PCYT2: variants seen among roughly 807,000 people sequenced by gnomAD.
PCYT2 encodes phosphate cytidylyltransferase 2, ethanolamine.
PCYT2 carries 33 observed loss-of-function variants against 50.0 expected under a neutral mutation model. That is an observed-to-expected ratio of 0.66 (90% CI 0.50 to 0.88). The LOEUF (loss-of-function observed/expected upper bound fraction) is 0.88, where lower values mean the gene tolerates loss of function less well. Ranked by LOEUF, PCYT2 falls within the 40% of genes least tolerant of loss-of-function variation. The pLI is 0.00. For synonymous variants in PCYT2, 240 were observed against 203.7 expected (o/e 1.18, Z -1.52); for missense variants, 430 against 519.7 (o/e 0.83, Z 1.68).
intron 8 of PCYT2, 104 bp downstream of exon 8, chr17:81,906,360 C>G (rs1284953335): frequency 1.5e-6 from 2 of 1,293,576 alleles, no homozygotes; most frequent in African/African-American, 2.9e-5. Context: ...TGTGACTTCA[C>G]CTGGGGCCCC....
rs762919572 is a variant in PCYT2, at chr17:81,905,460, T to C, written c.904-13A>G. 5.8e-6 allele frequency: 9 copies of C among 1,562,786 alleles called. No homozygotes were observed. In the African/African-American group the frequency reaches 1.1e-4, roughly 19 times the overall value. On this transcript the variant is annotated splice_polypyrimidine_tract_variant and intron_variant, in intron 10 of 12. Coordinates refer to ENST00000538936, the MANE Select transcript of PCYT2 (RefSeq NM_002861.5). ...ACACCAGGTCCACCTGGAGAAGGAG[T>C]GGGGTCAGGAGCCCTCCCCGGGGAG...
chr17:81,902,724 C>G lies in PCYT2; in HGVS notation c.*2109G>C, dbSNP rs748977884. 54 of 1,608,046 alleles carry G rather than the reference C, an allele frequency of 3.4e-5. No homozygotes were observed. Among genetic ancestry groups the G allele is most frequent in the Non-Finnish European group, 4.4e-5 (52 of 1,178,422 alleles). On this transcript the variant is annotated 3_prime_UTR_variant, in exon 13 of 13. Coordinates refer to ENST00000538936, the MANE Select transcript of PCYT2 (RefSeq NM_002861.5). The stretch of plus-strand genomic sequence containing the variant: ...AGGCGAACGTCTTCCTGTCCCTGCG[C>G]GCAGCCGACTGCCTCGCCGCCTGAG...
In PCYT2 at chr17:81,909,035, C is replaced by T. The variant is rs1437123502; in HGVS notation, c.181G>A (p.Glu61Lys). ...YLIVGVHTDE[E>K]IAKHKGPPVF... is the part of the protein sequence containing the mutation. ...GGGGGCCCCTTGTGCTTGGCGATCT[C>T]CTCTAGGAAAAGGACAACGGGGAGA... The change falls in exon 3 of 13, where the codon GAG (glutamate) becomes AAG (lysine). Residue 61 changes from glutamate (E) to lysine (K), a missense_variant and splice_region_variant. By Grantham distance (56) the Glu-to-Lys change is moderately conservative. Transcript: ENST00000538936. 5 of 1,612,550 alleles carry T rather than the reference C, an allele frequency of 3.1e-6. No homozygotes were observed. The highest frequency in any genetic ancestry group is 1.3e-5 in the African/African-American group (1 of 74,900).
intron 11 of PCYT2, 91 bp from the exon 12 acceptor site, chr17:81,905,245 C>T: frequency 7.4e-7 from 1 of 1,351,924 alleles, no homozygotes; most frequent in Non-Finnish European, 1.0e-6. Flanking sequence ...AGACCAGCGC[C>T]CAGGGTCCCA....
chr17:81,911,080 G>T (rs2040575811), intron 1 of PCYT2, 187 bp downstream of exon 1: 1 of 1,002,050 alleles, frequency 1.0e-6, no homozygotes, highest in South Asian at 4.7e-5. Context: ...GTCGCCCACG[G>T]CAGGGCGCGG....
chr17:81,909,478 G>A (rs1223414557), intron 2 of PCYT2, 36 bp downstream of exon 2: 2 of 1,569,038 alleles, frequency 1.3e-6, no homozygotes, highest in East Asian at 2.2e-5. Flanking sequence ...CAGGAGGGCT[G>A]GGGGGCCGCG....
Position 81,902,012 on chromosome 17 carries a change from C to G in PCYT2, c.*2821G>C. 4.0e-6 allele frequency: 1 copy of G among 248,148 alleles called. No individual in the cohort carries two copies. The highest frequency in any genetic ancestry group is 8.3e-5 in the East Asian group (1 of 12,106). 15.4% of individuals were successfully genotyped at this position (248,148 alleles called of 1,614,324 possible). A position where few individuals can be genotyped will look rare whatever the true frequency, so the allele number is the denominator to read the frequency against. ...GCAAGCCGGGCCTGAAGGGCGCGAG[C>G]GGCATGGGTGGGGAGCTTGAGGGGG... On this transcript the variant is annotated 3_prime_UTR_variant, in exon 13 of 13. Transcript: ENST00000538936.
intron 2 of PCYT2, 26 bp downstream of exon 2, chr17:81,909,488 G>A (rs760633492): frequency 6.3e-6 from 10 of 1,595,592 alleles, no homozygotes; most frequent in South Asian, 4.4e-5. Flanking sequence ...GGGGGGCCGC[G>A]GGTGGGCGAG....
rs186682137 is a variant in PCYT2, at chr17:81,908,809, C to T, written c.340+67G>A. 905 of 1,489,194 alleles carry T rather than the reference C, an allele frequency of 6.1e-4. 3 individuals are homozygous for T. The highest frequency in any genetic ancestry group is 2.9e-4 in the Non-Finnish European group (310 of 1,078,384). The allele number at this position is 1,489,194 out of a possible 1,614,324, so 92.2% of individuals were successfully genotyped here. The stretch of plus-strand genomic sequence containing the variant: ...GGAGGCCCCCTGTTCCCGGATGTCC[C>T]ACCAGCAGATCTGATCCTGAGCCAC... On this transcript the variant is annotated intron_variant, in intron 3 of 12. Transcript: ENST00000538936.
In PCYT2 at chr17:81,906,549, G is replaced by T; in HGVS notation, c.677-3C>A. ...CAGGAAGTCCACATGCCCGATGTCT[G>T]CACCCAGGTTAAGAAGCAGTCGGGA... On this transcript the variant is annotated splice_region_variant and splice_polypyrimidine_tract_variant and intron_variant, in intron 7 of 12. Coordinates refer to ENST00000538936, the MANE Select transcript of PCYT2 (RefSeq NM_002861.5). The T allele has an allele frequency of 6.2e-7, 1 of 1,613,216 alleles. No individual in the cohort carries two copies. Among genetic ancestry groups the T allele is most frequent in the African/African-American group, 1.3e-5 (1 of 75,046 alleles).
intron 8 of PCYT2, 75 bp downstream of exon 8, chr17:81,906,389 A>G: frequency 2.1e-6 from 3 of 1,450,088 alleles, no homozygotes; most frequent in Non-Finnish European, 2.9e-6. Flanking sequence ...GACCACCTGC[A>G]CCTAACAGCA....
Position 81,902,760 on chromosome 17 carries a change from T to C in PCYT2, c.*2073A>G. ...GCCTCGCCGCCTGAGCCCGGACCTC[T>C]CCTGGCACCGCTGGGGGCCCCCCGC... On this transcript the variant is annotated 3_prime_UTR_variant, in exon 13 of 13. Transcript: ENST00000538936. The C allele has an allele frequency of 1.3e-6, 2 of 1,596,634 alleles. No homozygotes were observed. The highest frequency in any genetic ancestry group is 1.7e-6 in the Non-Finnish European group (2 of 1,173,598).
At position 81,907,085 on chromosome 17, in the gene PCYT2, A is replaced by G. The variant is rs997197733; in HGVS notation, c.538-187T>C. On this transcript the variant is annotated intron_variant, in intron 6 of 12. Transcript: ENST00000538936. The stretch of plus-strand genomic sequence containing the variant: ...GCGCCACCCCACAACCACAGCAGGC[A>G]CCGCAGCAGACACCACTTCAGCCCA... 4.6e-5 allele frequency: 49 copies of G among 1,055,104 alleles called. No homozygotes were observed. The African/African-American group carries it at 7.4e-4, about 16-fold the overall frequency. 65.4% of individuals were successfully genotyped at this position (1,055,104 alleles called of 1,614,324 possible).
rs1373842186 is a variant in PCYT2, at chr17:81,905,385, G to A, written c.966C>T (p.Tyr322=). 5.1e-6 allele frequency: 8 copies of A among 1,557,394 alleles called. No homozygotes were observed. Among genetic ancestry groups the A allele is most frequent in the African/African-American group, 1.4e-5 (1 of 73,310 alleles). Residue 322 remains tyrosine (Y), a synonymous_variant, in exon 11 of 13, where the codon TAC becomes TAT. Coordinates refer to ENST00000538936, the MANE Select transcript of PCYT2 (RefSeq NM_002861.5). ...AGCAAGGGCCAGCATGACCCACCTG[G>A]TATGGGTCGGAGCCATCCCTGTCAG... is the stretch of plus-strand genomic sequence containing the variant. The part of the protein sequence containing the change: ...IIPDRDGSDP[Y]QEPKRRGIFR...
chr17:81,902,158 G>C lies in PCYT2; in HGVS notation c.*2675C>G. On this transcript the variant is annotated 3_prime_UTR_variant, in exon 13 of 13. Coordinates refer to ENST00000538936, the MANE Select transcript of PCYT2 (RefSeq NM_002861.5). ...GCGCGCGCCCGCTGCACCCCAGCCCGCCCGCCGCCCCTCCCGGCCCTCCGC... is the reference window on the plus strand; with the variant it reads ...GCGCGCGCCCGCTGCACCCCAGCCCCCCCGCCGCCCCTCCCGGCCCTCCGC... 3.0e-4 allele frequency: 216 copies of C among 728,308 alleles called. No individual in the cohort carries two copies. Among genetic ancestry groups the C allele is most frequent in the Non-Finnish European group, 3.6e-4 (198 of 544,956 alleles). The allele number at this position is 728,308 out of a possible 1,614,324, so 45.1% of individuals were successfully genotyped here. A position where few individuals can be genotyped will look rare whatever the true frequency, so the allele number is the denominator to read the frequency against.
chr17:81,906,066 C>T, intron 9 of PCYT2, 34 bp downstream of exon 9: 1 of 1,575,414 alleles, frequency 6.3e-7, no homozygotes, highest in Non-Finnish European at 8.6e-7. Context: ...GGAATGTCTC[C>T]CCATCCTTGG....
rs1037327622 is a variant in PCYT2 at position 81,911,393 on chromosome 17, C to T, written c.-38G>A. On this transcript the variant is annotated 5_prime_UTR_variant, in exon 1 of 13. Coordinates refer to ENST00000538936, the MANE Select transcript of PCYT2 (RefSeq NM_002861.5). ...GCGGCGCGGACAGCCTGGCAGCTCCCGGCGACTCCGAGCGCCGCCGCCCGC... is the reference window on the plus strand; with the variant it reads ...GCGGCGCGGACAGCCTGGCAGCTCCTGGCGACTCCGAGCGCCGCCGCCCGC... 3.0e-6 allele frequency: 3 copies of T among 994,996 alleles called. No homozygotes were observed. Among genetic ancestry groups the T allele is most frequent in the Admixed American group, 6.0e-5 (1 of 16,638 alleles). The allele number at this position is 994,996 out of a possible 1,614,324, so 61.6% of individuals were successfully genotyped here. A position where few individuals can be genotyped will look rare whatever the true frequency, so the allele number is the denominator to read the frequency against.
At position 81,905,517 on chromosome 17, in the gene PCYT2, A is replaced by C. The variant is rs578129075; in HGVS notation, c.904-70T>G. The C allele has an allele frequency of 3.4e-6, 5 of 1,480,908 alleles. No homozygotes were observed. The East Asian group carries it at 7.3e-5, about 22-fold the overall frequency. The allele number at this position is 1,480,908 out of a possible 1,614,324, so 91.7% of individuals were successfully genotyped here. A position where few individuals can be genotyped will look rare whatever the true frequency, so the allele number is the denominator to read the frequency against. On this transcript the variant is annotated intron_variant, in intron 10 of 12. Coordinates refer to ENST00000538936, the MANE Select transcript of PCYT2 (RefSeq NM_002861.5). The stretch of plus-strand genomic sequence containing the variant: ...GCCGTCGCCACCCACAGCCCAGCAC[A>C]GGCCCCGGGGGTTGGGAGAGCTGAC...
intron 6 of PCYT2, 124 bp from the exon 7 acceptor site, chr17:81,907,022 G>A: frequency 8.3e-7 from 1 of 1,212,120 alleles, no homozygotes; most frequent in Non-Finnish European, 1.2e-6. Flanking sequence ...TCTCGGGCAG[G>A]GGACACACTG....
Sources: allele counts gnomAD v4.1 joint callset, GRCh38; gene constraint gnomAD v4.1.1; transcripts MANE v1.5; gene names NCBI Gene and HGNC (gene_info 2026-07-23, HGNC 2026-07-21).